Variants in CFAP97 observed in about 807,000 individuals in gnomAD.
CFAP97 encodes the protein cilia and flagella associated protein 97, also known as cilia- and flagella-associated protein 97.
CFAP97 carries 36 observed loss-of-function variants against 43.1 expected under a neutral mutation model. The ratio of observed to expected loss-of-function variants is 0.84; its 90% confidence interval spans 0.64 to 1.10. CFAP97 has a LOEUF of 1.10. CFAP97 is among the 50% of genes least tolerant of loss of function. The pLI is 0.00. For synonymous variants in CFAP97, 228 were observed against 225.7 expected (o/e 1.01, Z -0.09); for missense variants, 657 against 620.3 (o/e 1.06, Z -0.63).
intron 4 of CFAP97, among the ~76,000 whole-genome samples, chr4:185,163,589 C>T (rs1462715630): frequency 1.3e-5 from 2 of 151,674 alleles, no homozygotes; most frequent in East Asian, 3.9e-4. Flanking sequence ...TACTGTAAAG[C>T]GGTAAGGCTT....
At chr4:185,184,140 G>A (rs1400842968) in intron 2 of CFAP97, among the ~76,000 whole-genome samples, 1 of 152,114 alleles carries the variant, frequency 6.6e-6, no homozygotes, top group African/African-American at 2.4e-5. Flanking sequence ...CTGCAGCACG[G>A]GTATCACCAG....
In CFAP97 at chr4:185,164,079, G is replaced by A. The variant is rs1428607238; in HGVS notation, c.1421C>T (p.Ser474Leu). ...GGATCTGGCCCGTCTTGACAATGGT[G>A]ATGAGTTGAGATAGCCCATATTGCG... The part of the protein sequence containing the change: ...YHRNMGYLNS[S>L]PLSRRARSTL... Residue 474 changes from serine to leucine, a missense_variant, in exon 4 of 5, where the codon TCA becomes TTA. By Grantham distance (145) the Ser-to-Leu change is moderately radical (BLOSUM62 -2). Transcript: ENST00000458385. 4 of 1,613,932 alleles carry A rather than the reference G, an allele frequency of 2.5e-6. No individual in the cohort carries two copies. The highest frequency in any genetic ancestry group is 3.4e-6 in the Non-Finnish European group (4 of 1,179,858).
chr4:185,188,889 C>G (rs1448612007), intron 2 of CFAP97, among the ~76,000 whole-genome samples: 1 of 151,550 alleles, frequency 6.6e-6, no homozygotes, highest in Non-Finnish European at 1.5e-5. Flanking sequence ...TCAATAGGTA[C>G]AATCAGAGAA....
chr4:185,201,739 A>T, intron 1 of CFAP97, among the ~76,000 whole-genome samples: 1 of 152,212 alleles, frequency 6.6e-6, no homozygotes. Context: ...GATTTAATTT[A>T]TTGTGGTGGT....
At chr4:185,178,231 GGTTTTT>G (rs1170370888) in intron 2 of CFAP97, among the ~76,000 whole-genome samples, 42 of 142,634 alleles carry the variant, frequency 2.9e-4, no homozygotes, top group African/African-American at 1.0e-3. Context: ...TTCCCCTAAC[GGTTTTT>G]GTCTTTTTTT....
chr4:185,163,199 CA>C (rs1734935476), intron 4 of CFAP97, among the ~76,000 whole-genome samples: 2 of 152,082 alleles, frequency 1.3e-5, no homozygotes, highest in Non-Finnish European at 2.9e-5. Flanking sequence ...TTTGTATAAC[CA>C]TTTATATATC....
intron 3 of CFAP97, among the ~76,000 whole-genome samples, chr4:185,165,273 C>A (rs565350214): frequency 1.3e-5 from 2 of 151,818 alleles, no homozygotes; most frequent in South Asian, 2.1e-4. Context: ...GACAACATGG[C>A]GAAACGCTAT....
intron 3 of CFAP97, chr4:185,170,164 A>T: frequency 1.6e-6 from 1 of 616,696 alleles, no homozygotes; most frequent in Non-Finnish European, 2.5e-6. Context: ...CCTGGCTAAC[A>T]TGGCAATACC....
At chr4:185,199,996 C>T (rs1167557986) in intron 1 of CFAP97, among the ~76,000 whole-genome samples, 1 of 152,238 alleles carries the variant, frequency 6.6e-6, no homozygotes, top group African/African-American at 2.4e-5. Context: ...TCAAGAAATA[C>T]ATTTTGTAAG....
At chr4:185,201,325 CA>C (rs61563241) in intron 1 of CFAP97, among the ~76,000 whole-genome samples, 20 of 128,168 alleles carry the variant, frequency 1.6e-4, no homozygotes, top group East Asian at 4.6e-4. Context: ...GACTCCGCCT[CA>C]AAAAAAAAAA....
At chr4:185,198,168 TGTGGTG>T (rs2111416799) in intron 1 of CFAP97, among the ~76,000 whole-genome samples, 1 of 152,260 alleles carries the variant, frequency 6.6e-6, no homozygotes, top group South Asian at 2.1e-4. Flanking sequence ...CTCAGCCGGG[TGTGGTG>T]GCTCACGCCT....
intron 4 of CFAP97, 111 bp from the exon 5 acceptor site, chr4:185,163,036 G>C: frequency 1.1e-6 from 1 of 915,298 alleles, no homozygotes; most frequent in Non-Finnish European, 1.5e-6. Flanking sequence ...TATGATTCTC[G>C]ACTAGGATGC....
At chr4:185,178,030 T>C (rs978331475) in intron 2 of CFAP97, among the ~76,000 whole-genome samples, 3 of 151,948 alleles carry the variant, frequency 2.0e-5, no homozygotes, top group African/African-American at 7.2e-5. Flanking sequence ...AAATTAATGA[T>C]TGGTAATTTG....
In CFAP97 at chr4:185,190,606, T is replaced by C. The variant is rs769578150; in HGVS notation, c.591A>G (p.Leu197=). The C allele has an allele frequency of 2.2e-5, 35 of 1,608,308 alleles. No individual in the cohort carries two copies. The highest frequency in any genetic ancestry group is 2.9e-5 in the Non-Finnish European group (34 of 1,176,954). ...DCLDAGSDSH[L]SDSSPSSKSS... ...ACTTAGATGACGGAGACGAATCAGA[T>C]AGATGGCTATCAGACCCTGCATCTA... The change falls in exon 2 of 5, where the codon CTA becomes CTG. Residue 197 remains leucine (L), a synonymous_variant. Transcript: ENST00000458385.
intron 1 of CFAP97, among the ~76,000 whole-genome samples, chr4:185,201,909 C>T (rs1198127768): frequency 6.6e-6 from 1 of 152,158 alleles, no homozygotes; most frequent in East Asian, 1.9e-4. Context: ...TCTGGCCTAT[C>T]CACTTCTTTT....
At chr4:185,193,451 T>G (rs374938239) in intron 1 of CFAP97, among the ~76,000 whole-genome samples, 16 of 151,936 alleles carry the variant, frequency 1.1e-4, no homozygotes, top group African/African-American at 3.6e-4. Context: ...TCGAGACTAC[T>G]CTGGCCAATA....
intron 3 of CFAP97, among the ~76,000 whole-genome samples, chr4:185,172,038 C>T (rs529891965): frequency 2.0e-5 from 3 of 152,218 alleles, no homozygotes; most frequent in Non-Finnish European, 4.4e-5. Flanking sequence ...CTGTACCTGG[C>T]TAAAAATAAT....
upstream of CFAP97, among the ~76,000 whole-genome samples, chr4:185,208,700 C>T (rs1374434714): frequency 6.6e-6 from 1 of 151,810 alleles, no homozygotes; most frequent in Non-Finnish European, 1.5e-5. Context: ...TGCACTCCAG[C>T]CTGGGCAACA....
intron 2 of CFAP97, among the ~76,000 whole-genome samples, chr4:185,180,431 C>T (rs1034474741): frequency 6.6e-6 from 1 of 152,150 alleles, no homozygotes; most frequent in African/African-American, 2.4e-5. Context: ...CCCCATTGCT[C>T]CCTTCCCTTC....
Sources: gnomAD v4.1 joint callset for allele counts (sites outside exome capture counted in the v4.1 genomes callset) on GRCh38, gnomAD v4.1.1 for gene constraint, MANE v1.5 for transcripts, NCBI Gene and HGNC (gene_info 2026-07-23, HGNC 2026-07-21) for gene names.